The following AGGF1 variants were observed in gnomAD, a reference collection of about 807,000 sequenced individuals.
AGGF1 encodes angiogenic factor with G patch and FHA domains 1.
In AGGF1, 56 loss-of-function variants were observed where a neutral mutation model predicts 86.5. The ratio of observed to expected loss-of-function variants is 0.65; its 90% CI spans 0.52 to 0.81. The LOEUF (loss-of-function observed/expected upper bound fraction) is 0.81. Among genes scored for constraint, AGGF1 ranks in the 30% least tolerant of loss-of-function variants. The pLI is 0.00. For missense variants in AGGF1, 816 were observed against 850.9 expected (o/e 0.96, Z 0.51); for synonymous variants, 313 against 297.1 (o/e 1.05, Z -0.55).
In AGGF1 at chr5:77,063,170, G is replaced by A. The variant is rs1747594707; in HGVS notation, c.2063G>A (p.Arg688Gln). 5.0e-6 allele frequency: 8 copies of A among 1,613,810 alleles called. No individual in the cohort carries two copies. Among genetic ancestry groups the A allele is most frequent in the South Asian group, 1.1e-5 (1 of 91,066 alleles). The change falls in exon 14 of 14, where the codon CGG (arginine) becomes CAG (glutamine). Residue 688 changes from arginine to glutamine, a missense_variant. Arg to Gln is a conservative substitution (Grantham distance 43). Transcript: ENST00000312916. The stretch of plus-strand genomic sequence containing the variant: ...AAAAACTGGGACAAAGCACGAGAGC[G>A]GTTTACTGAAAACTTCCCAGAAACT... Reference protein sequence around the residue: ...NKKNWDKARERFTENFPETKP... With the variant: ...NKKNWDKAREQFTENFPETKP...
At chr5:77,061,860 A>G (rs560636339) in intron 13 of AGGF1, 58 bp downstream of exon 13, 14 of 1,509,968 alleles carry the variant, frequency 9.3e-6, no homozygotes, top group Non-Finnish European at 1.3e-5. Context: ...TACCGTGTAC[A>G]TTAATGTGCC....
intron 5 of AGGF1, among the ~76,000 whole-genome samples, chr5:77,044,111 G>A (rs1366705872): frequency 7.0e-6 from 1 of 143,032 alleles, no homozygotes; most frequent in Non-Finnish European, 1.5e-5. Flanking sequence ...CAGCCAGGCA[G>A]AGGGGCTCCT....
rs1331304225 is a variant in AGGF1, at chr5:77,049,110, A to G, written c.1365+123A>G. ...GGTTAACATGCAGTGTAGTAATGGT[A>G]ATAAAGGCAGTGCAGATCTGTTTAT... On this transcript the variant is annotated intron_variant, in intron 8 of 13. Transcript: ENST00000312916. 7 of 852,836 alleles carry G rather than the reference A, an allele frequency of 8.2e-6. No homozygotes were observed. The South Asian group carries it at 8.9e-5, about 11-fold the overall frequency. 52.8% of individuals were successfully genotyped at this position (852,836 alleles called of 1,614,324 possible). A position where few individuals can be genotyped will look rare whatever the true frequency, so the allele number is the denominator to read the frequency against.
At chr5:77,038,663 G>C (rs1225469113) in intron 4 of AGGF1, among the ~76,000 whole-genome samples, 2 of 152,124 alleles carry the variant, frequency 1.3e-5, no homozygotes, top group African/African-American at 2.4e-5. Flanking sequence ...ACAATAAATT[G>C]CAAGTGTCAA....
intron 1 of AGGF1, among the ~76,000 whole-genome samples, chr5:77,033,746 T>G (rs1396471379): frequency 7.2e-5 from 11 of 152,240 alleles, no homozygotes; most frequent in Admixed American, 7.2e-4. Flanking sequence ...TGTCTCACAT[T>G]GAGGTCCTCT....
At position 77,030,646 on chromosome 5, in the gene AGGF1, C is replaced by T. The variant is rs1434384645; in HGVS notation, c.-121C>T. On this transcript the variant is annotated 5_prime_UTR_variant, in exon 1 of 14. The change creates a premature stop within an existing upstream ORF in the 5' untranslated region. Coordinates refer to ENST00000312916, the MANE Select transcript of AGGF1 (RefSeq NM_018046.5). ...CGTCATGGCCAGGGGCCACCGCGGC[C>T]AGCCGGGTGTGAGGCTGCCTTTCGC... The T allele has an allele frequency of 8.4e-6, 10 of 1,185,520 alleles. No individual in the cohort carries two copies. The highest frequency in any genetic ancestry group is 1.2e-5 in the Non-Finnish European group (10 of 830,438). The allele number at this position is 1,185,520 out of a possible 1,614,324, so 73.4% of individuals were successfully genotyped here.
At chr5:77,031,275 A>G (rs536271662) in intron 1 of AGGF1, among the ~76,000 whole-genome samples, 19 of 152,358 alleles carry the variant, frequency 1.2e-4, no homozygotes, top group Admixed American at 3.9e-4. Context: ...CATTTACTGT[A>G]GATCACATTT....
At chr5:77,034,558 C>A in intron 2 of AGGF1, 38 bp downstream of exon 2, 2 of 1,299,742 alleles carry the variant, frequency 1.5e-6, no homozygotes, top group Non-Finnish European at 2.2e-6. Context: ...AACACTGTTA[C>A]ATTCAAATCA....
In AGGF1 at chr5:77,034,464, A is replaced by G. The variant is rs766571071; in HGVS notation, c.257A>G (p.Asn86Ser). 4.3e-6 allele frequency: 7 copies of G among 1,613,614 alleles called. No homozygotes were observed. Among genetic ancestry groups the G allele is most frequent in the African/African-American group, 1.3e-5 (1 of 74,936 alleles). The stretch of plus-strand genomic sequence containing the variant: ...CTCCAACGTGGGAGAAATGAAGATA[A>G]TAAAAAGTCTGATGTAGAAGTACAA... ...KILQRGRNED[N>S]KKSDVEVQTE... Residue 86 changes from asparagine (N) to serine (S), a missense_variant, in exon 2 of 14, where the codon AAT (asparagine) becomes AGT (serine). Around this residue, in one of 3 missense-constraint regions of AGGF1, gnomAD observed 240 missense variants for 234.4 expected, o/e 1.02. Transcript: ENST00000312916.
intron 8 of AGGF1, 139 bp downstream of exon 8, chr5:77,049,126 A>T: frequency 1.4e-6 from 1 of 728,848 alleles, no homozygotes; most frequent in South Asian, 1.6e-5. Context: ...GGCAGTGCAG[A>T]TCTGTTTATT....
intron 5 of AGGF1, among the ~76,000 whole-genome samples, chr5:77,042,255 C>T (rs1376986707): frequency 2.0e-5 from 3 of 149,790 alleles, no homozygotes; most frequent in Non-Finnish European, 1.5e-5. Flanking sequence ...AATCTTTTCC[C>T]CACCTTTCCC....
chr5:77,043,600 CG>C (rs1266554422), intron 5 of AGGF1, among the ~76,000 whole-genome samples: 112 of 139,900 alleles, frequency 8.0e-4, no homozygotes, highest in South Asian at 2.2e-3. Flanking sequence ...CCCCCCCCCC[CG>C]GATGGCACGG....
chr5:77,046,586 A>C lies in AGGF1; in HGVS notation c.1110A>C (p.Glu370Asp). 1 of 1,613,880 alleles carries C rather than the reference A, an allele frequency of 6.2e-7. No individual in the cohort carries two copies. The highest frequency in any genetic ancestry group is 8.5e-7 in the Non-Finnish European group (1 of 1,179,848). Residue 370 changes from glutamate to aspartate, a missense_variant, in exon 6 of 14, where the codon GAA becomes GAC. Around this residue, in one of 3 missense-constraint regions of AGGF1, gnomAD observed 565 missense variants for 585.8 expected, o/e 0.96. Transcript: ENST00000312916. ...TGGAGACTGATAGTGAACCAGAGGA[A>C]GGTGAAATTACAGACTCTCAGACTG... The part of the protein sequence containing the change: ...KIMETDSEPE[E>D]GEITDSQTED...
intron 6 of AGGF1, among the ~76,000 whole-genome samples, chr5:77,047,260 T>C (rs1417359758): frequency 6.6e-6 from 1 of 152,228 alleles, no homozygotes; most frequent in Middle Eastern, 3.2e-3. Context: ...TTTTTCTTGT[T>C]ATTGTCCCCT....
intron 8 of AGGF1, among the ~76,000 whole-genome samples, chr5:77,051,321 T>C (rs1009374737): frequency 2.0e-5 from 3 of 151,698 alleles, no homozygotes; most frequent in Non-Finnish European, 2.9e-5. Context: ...TAGTCCCAGC[T>C]ACTCGGGAGG....
In AGGF1 at chr5:77,030,423, C is replaced by G; in HGVS notation, c.-344C>G. The G allele has an allele frequency of 2.0e-6, 1 of 511,340 alleles. No individual in the cohort carries two copies. Among genetic ancestry groups the G allele is most frequent in the Non-Finnish European group, 3.8e-6 (1 of 263,774 alleles). The allele number at this position is 511,340 out of a possible 1,614,324, so 31.7% of individuals were successfully genotyped here. On this transcript the variant is annotated 5_prime_UTR_variant, in exon 1 of 14. Coordinates refer to ENST00000312916, the MANE Select transcript of AGGF1 (RefSeq NM_018046.5). Reference sequence around the variant, plus strand: ...GCTGGCGCCGTTGTTTCCGGCTCAACTGGGGAGCTGCTGGAGCTCTTCTGG... The same window carrying G: ...GCTGGCGCCGTTGTTTCCGGCTCAAGTGGGGAGCTGCTGGAGCTCTTCTGG...
intron 3 of AGGF1, 124 bp from the exon 4 acceptor site, chr5:77,036,432 A>G: frequency 1.0e-6 from 1 of 984,170 alleles, no homozygotes; most frequent in Non-Finnish European, 1.6e-6. Flanking sequence ...ATTGATAGTC[A>G]TGCTTTTCCT....
At chr5:77,046,867 A>G (rs1747265063) in intron 6 of AGGF1, among the ~76,000 whole-genome samples, 190 bp downstream of exon 6, 1 of 152,234 alleles carries the variant, frequency 6.6e-6, no homozygotes, top group Non-Finnish European at 1.5e-5. Context: ...AATGACTAAT[A>G]CTTAGACCTT....
At position 77,031,286 on chromosome 5, in the gene AGGF1, G is replaced by T. The variant is rs1163958557; in HGVS notation, c.210+310G>T. Among the ~76,000 whole-genome samples, 4 of 152,190 alleles carry T rather than the reference G, an allele frequency of 2.6e-5. No homozygotes were observed. The Middle Eastern group carries it at 9.5e-3, about 361-fold the overall frequency. On this transcript the variant is annotated intron_variant, in intron 1 of 13. Coordinates refer to ENST00000312916, the MANE Select transcript of AGGF1 (RefSeq NM_018046.5). ...GGCGCATTTACTGTAGATCACATTT[G>T]AGTTTATTAAAATGCTGGACTTGAG...
Sources: allele counts gnomAD v4.1 joint callset (sites outside exome capture counted in the v4.1 genomes callset), GRCh38; gene constraint gnomAD v4.1.1; regional missense constraint gnomAD v4.1.1; transcripts MANE v1.5; gene names NCBI Gene and HGNC (gene_info 2026-07-23, HGNC 2026-07-21).